NAV2: variants seen among roughly 807,000 people sequenced by gnomAD.
NAV2 encodes the protein neuron navigator 2, also known as helicase, APC down-regulated 1.
A neutral mutation model predicts 223.2 loss-of-function variants in NAV2; 54 were observed. The observed-to-expected ratio is 0.24, with a 90% CI of 0.19 to 0.30. The LOEUF is 0.30. NAV2 is among the 10% of genes least tolerant of loss of function. NAV2 has a pLI of 1.00. For missense variants in NAV2, 2,806 were observed against 3,147.5 expected (o/e 0.89, Z 2.60); for synonymous variants, 1,279 against 1,239.3 (o/e 1.03, Z -0.67).
intron 1 of NAV2, among the ~76,000 whole-genome samples, chr11:19,730,341 C>A (rs879329816): frequency 5.9e-5 from 9 of 151,952 alleles, no homozygotes; most frequent in Non-Finnish European, 1.2e-4. Flanking sequence ...CCAGACCCCC[C>A]ACCCACACAG....
In NAV2 at chr11:19,606,865, T is replaced by G. The variant is rs539350821; in HGVS notation, c.76-225619T>G. Reference sequence around the variant, plus strand: ...CAAAGGCAGGCCACCAGCATGGCCTTACCTGAGATCTTAGAAATGCAGAGG... The same window carrying G: ...CAAAGGCAGGCCACCAGCATGGCCTGACCTGAGATCTTAGAAATGCAGAGG... On this transcript the variant is annotated intron_variant, in intron 1 of 37. Coordinates refer to the NAV2 transcript ENST00000360655. Among the ~76,000 whole-genome samples, 4 of 152,314 alleles carry G rather than the reference T, an allele frequency of 2.6e-5. No individual in the cohort carries two copies. The East Asian group carries it at 7.7e-4, about 29-fold the overall frequency.
intron 1 of NAV2, among the ~76,000 whole-genome samples, chr11:19,657,501 A>G (rs1279080844): frequency 6.6e-6 from 1 of 152,200 alleles, no homozygotes; most frequent in African/African-American, 2.4e-5. Flanking sequence ...GGCTGTGTAT[A>G]TTAGGGAAAT....
intron 1 of NAV2, among the ~76,000 whole-genome samples, chr11:19,560,468 A>C (rs1250821302): frequency 6.6e-6 from 1 of 152,110 alleles, no homozygotes; most frequent in Admixed American, 6.5e-5. Context: ...CTTCGCCTTT[A>C]TAACGAGCAA....
Position 19,559,820 on chromosome 11 carries a change from G to A in NAV2, c.75+208793G>A, listed in dbSNP as rs139797138. On this transcript the variant is annotated intron_variant, in intron 1 of 37. Coordinates refer to the NAV2 transcript ENST00000360655. ...CTTCTGGCACTCTCCCTTTCCCAGG[G>A]CCAGTCTGGTTTTCATGGTCTGCCC... Among the ~76,000 whole-genome samples, 23 of 152,304 alleles carry A rather than the reference G, an allele frequency of 1.5e-4. No individual in the cohort carries two copies. The East Asian group carries it at 4.4e-3, about 29-fold the overall frequency.
At chr11:19,743,111 A>G (rs2053000250) in intron 1 of NAV2, among the ~76,000 whole-genome samples, 1 of 152,212 alleles carries the variant, frequency 6.6e-6, no homozygotes, top group African/African-American at 2.4e-5. Flanking sequence ...CCTATTTGGG[A>G]TTTTGGACAA....
intron 1 of NAV2, among the ~76,000 whole-genome samples, chr11:19,596,486 G>A (rs1020644863): frequency 2.6e-5 from 4 of 152,274 alleles, no homozygotes; most frequent in South Asian, 2.1e-4. Context: ...TGTGAGGATT[G>A]TTCCCCTAAT....
chr11:20,021,125 T>C (rs1431209063), intron 11 of NAV2, among the ~76,000 whole-genome samples: 2 of 152,226 alleles, frequency 1.3e-5, no homozygotes, highest in East Asian at 1.9e-4. Flanking sequence ...TCTTCTTCTT[T>C]ACAATACGTT....
At chr11:19,795,650 A>C (rs2057829187) in intron 1 of NAV2, among the ~76,000 whole-genome samples, 1 of 152,262 alleles carries the variant, frequency 6.6e-6, no homozygotes, top group Non-Finnish European at 1.5e-5. Context: ...AAAGGAAGAC[A>C]GGGGAATGGG....
At chr11:19,922,233 G>A (rs1010263778) in intron 6 of NAV2, among the ~76,000 whole-genome samples, 1 of 151,928 alleles carries the variant, frequency 6.6e-6, no homozygotes, top group African/African-American at 2.4e-5. Flanking sequence ...GGACTGCTCT[G>A]GCAGGTGTTG....
chr11:19,994,882 T>C (rs1052646586), intron 11 of NAV2, among the ~76,000 whole-genome samples: 2 of 152,236 alleles, frequency 1.3e-5, no homozygotes, highest in African/African-American at 4.8e-5. Flanking sequence ...TGTAGCCCTG[T>C]CATTTTGCCA....
At chr11:19,507,370 T>C (rs1403298589) in intron 1 of NAV2, 2 of 152,242 alleles carry the variant, frequency 1.3e-5, no homozygotes, top group Non-Finnish European at 2.9e-5. Context: ...CAAGGAATGA[T>C]GTTAAAAATC....
At chr11:20,056,698 T>C in intron 19 of NAV2, 1 of 980,296 alleles carries the variant, frequency 1.0e-6, no homozygotes, top group Non-Finnish European at 1.6e-6. Flanking sequence ...GATGGGACAT[T>C]GGCGGCAATG....
intron 1 of NAV2, among the ~76,000 whole-genome samples, chr11:19,625,070 T>C (rs914402006): frequency 2.0e-5 from 3 of 152,228 alleles, no homozygotes; most frequent in Non-Finnish European, 4.4e-5. Flanking sequence ...GTGTTGGGAA[T>C]GTTTAAGATC....
At chr11:19,674,031 G>T (rs1358599329) in intron 1 of NAV2, among the ~76,000 whole-genome samples, 1 of 152,210 alleles carries the variant, frequency 6.6e-6, no homozygotes, top group Non-Finnish European at 1.5e-5. Flanking sequence ...CAGCAACTCA[G>T]GGGCGCTTGG....
At chr11:19,835,304 C>T (rs904604929) in intron 2 of NAV2, among the ~76,000 whole-genome samples, 5 of 152,328 alleles carry the variant, frequency 3.3e-5, no homozygotes, top group African/African-American at 7.2e-5. Context: ...AACACAGGAT[C>T]GCTTTGTCCA....
intron 10 of NAV2, among the ~76,000 whole-genome samples, chr11:19,971,953 T>C (rs1216404727): frequency 6.6e-6 from 1 of 152,224 alleles, no homozygotes; most frequent in African/African-American, 2.4e-5. Context: ...TCCACCCACG[T>C]TGGCCTCCCA....
At chr11:19,818,171 G>C (rs2059196749) in intron 1 of NAV2, among the ~76,000 whole-genome samples, 1 of 151,376 alleles carries the variant, frequency 6.6e-6, no homozygotes, top group African/African-American at 2.4e-5. Flanking sequence ...GAGGGGTAGG[G>C]GTAAGGAGGG....
At chr11:19,386,027 G>A (rs924476928) in intron 1 of NAV2, among the ~76,000 whole-genome samples, 4 of 152,136 alleles carry the variant, frequency 2.6e-5, no homozygotes, top group Non-Finnish European at 4.4e-5. Context: ...GCCTCCCAAA[G>A]TGCTGGGATT....
chr11:19,968,922 G>A (rs1841878831), intron 10 of NAV2, among the ~76,000 whole-genome samples: 1 of 152,030 alleles, frequency 6.6e-6, no homozygotes, highest in Non-Finnish European at 1.5e-5. Flanking sequence ...CAACCGCCTT[G>A]GCTTCTCCTT....
Sources: gnomAD v4.1 joint callset for allele counts (sites outside exome capture counted in the v4.1 genomes callset) on GRCh38, gnomAD v4.1.1 for gene constraint, MANE v1.5 for transcripts, NCBI Gene and HGNC (gene_info 2026-07-23, HGNC 2026-07-21) for gene names.